PLD1: variants seen among roughly 807,000 people sequenced by gnomAD.
The protein encoded by PLD1 is phospholipase D1.
In PLD1, 112 loss-of-function variants were observed where a neutral mutation model predicts 137.1. That is an observed-to-expected ratio of 0.82 (90% CI 0.70 to 0.96). The LOEUF (loss-of-function observed/expected upper bound fraction) is 0.96. Ranked by LOEUF, PLD1 falls within the 40% of genes least tolerant of loss-of-function variation. The probability of loss-of-function intolerance (pLI) is 0.00; values close to 1 mark genes in which losing one functional copy is unlikely to be tolerated. For missense variants in PLD1, 1,321 were observed against 1,342.0 expected, an observed-to-expected ratio of 0.98 and a Z score of 0.24; for synonymous variants, 431 against 454.7, an observed-to-expected ratio of 0.95 and a Z score of 0.66.
intron 22 of PLD1, among the ~76,000 whole-genome samples, chr3:171,644,172 T>C (rs1736003833): frequency 6.6e-6 from 1 of 152,110 alleles, no homozygotes; most frequent in Non-Finnish European, 1.5e-5. Context: ...AAACTACAGG[T>C]GGTTCAGAAA....
chr3:171,603,403 G>C, intron 26 of PLD1, 101 bp from the exon 27 acceptor site: 1 of 763,770 alleles, frequency 1.3e-6, no homozygotes, highest in Non-Finnish European at 2.2e-6. Flanking sequence ...TCTGTTGTAT[G>C]AAACATATTA....
intron 23 of PLD1, among the ~76,000 whole-genome samples, chr3:171,637,876 G>C (rs1276333226): frequency 6.6e-6 from 1 of 151,996 alleles, no homozygotes; most frequent in Non-Finnish European, 1.5e-5. Context: ...TGGTATAAGA[G>C]ATCAAAAATG....
intron 5 of PLD1, among the ~76,000 whole-genome samples, chr3:171,734,414 G>A (rs992297601): frequency 3.3e-5 from 5 of 152,186 alleles, no homozygotes; most frequent in African/African-American, 1.2e-4. Context: ...CCAGTGCTGT[G>A]CCTGTCTGTA....
chr3:171,687,833 A>C (rs930654184), intron 14 of PLD1, among the ~76,000 whole-genome samples: 1 of 152,116 alleles, frequency 6.6e-6, no homozygotes, highest in Non-Finnish European at 1.5e-5. Flanking sequence ...ATTTCACTCC[A>C]ATTAAACTTT....
chr3:171,778,059 T>C (rs1233628074), intron 1 of PLD1, among the ~76,000 whole-genome samples: 1 of 152,226 alleles, frequency 6.6e-6, no homozygotes. Flanking sequence ...ATATATGTAT[T>C]TGTTGCTTAC....
chr3:171,610,438 T>C (rs1040873913), intron 25 of PLD1, among the ~76,000 whole-genome samples: 1 of 152,212 alleles, frequency 6.6e-6, no homozygotes, highest in Non-Finnish European at 1.5e-5. Context: ...ATATACCAAA[T>C]GTTAAAACTG....
chr3:171,698,811 C>CAAAAAAAA (rs11359377), intron 12 of PLD1, among the ~76,000 whole-genome samples: 102 of 103,660 alleles, frequency 9.8e-4, no homozygotes, highest in Middle Eastern at 5.7e-3. Context: ...TACAAAAATA[C>CAAAAAAAA]AAAAAAAAAA....
At chr3:171,776,655 C>T (rs1002797265) in intron 1 of PLD1, among the ~76,000 whole-genome samples, 1 of 152,184 alleles carries the variant, frequency 6.6e-6, no homozygotes, top group African/African-American at 2.4e-5. Context: ...ATGACAACGG[C>T]ACCTATTGTC....
At chr3:171,684,540 AAATAT>A (rs1714352519) in intron 16 of PLD1, among the ~76,000 whole-genome samples, 1 of 152,122 alleles carries the variant, frequency 6.6e-6, no homozygotes, top group Non-Finnish European at 1.5e-5. Context: ...TATGCTAAAT[AAATAT>A]ATGTCTCCCC....
chr3:171,763,558 A>G (rs1721588585), intron 1 of PLD1, among the ~76,000 whole-genome samples: 1 of 136,494 alleles, frequency 7.3e-6, no homozygotes, highest in Non-Finnish European at 1.6e-5. Flanking sequence ...GGGAGGGGAG[A>G]GACAAGACGA....
chr3:171,685,463 G>A (rs1714451652), intron 16 of PLD1, among the ~76,000 whole-genome samples: 1 of 152,110 alleles, frequency 6.6e-6, no homozygotes, highest in South Asian at 2.1e-4. Context: ...TATGGGCACT[G>A]GGAGGATGAT....
At chr3:171,604,750 T>G (rs1732076011) in intron 26 of PLD1, among the ~76,000 whole-genome samples, 1 of 152,238 alleles carries the variant, frequency 6.6e-6, no homozygotes, top group African/African-American at 2.4e-5. Flanking sequence ...ACATGTCTTG[T>G]TATTAATATT....
chr3:171,630,030 A>C (rs1734522583), intron 23 of PLD1, among the ~76,000 whole-genome samples: 1 of 152,150 alleles, frequency 6.6e-6, no homozygotes, highest in Non-Finnish European at 1.5e-5. Flanking sequence ...AATTAAACTA[A>C]AGAGCTTCTG....
At chr3:171,809,126 GCA>G (rs1724004420) in intron 1 of PLD1, 1 of 152,204 alleles carries the variant, frequency 6.6e-6, no homozygotes, top group Admixed American at 6.5e-5. Context: ...CGCCCAGGCA[GCA>G]CTCCAACTTT....
chr3:171,676,801 G>A lies in PLD1; in HGVS notation c.2029C>T (p.Pro677Ser), dbSNP rs1713411132. ...FIDRYSTPRMPWHDIASAVHG... is the reference protein window; with the variant it reads ...FIDRYSTPRMSWHDIASAVHG... ...ACTGCAGAGGCAATGTCATGCCAGGGCATCCGGGGCGTGGAGTACCTGTCA... is the reference window on the plus strand; with the variant it reads ...ACTGCAGAGGCAATGTCATGCCAGGACATCCGGGGCGTGGAGTACCTGTCA... Residue 677 changes from proline (P) to serine (S), a missense_variant, in exon 18 of 27, where the codon CCC (proline) becomes TCC (serine). Transcript: ENST00000351298. 1.2e-6 allele frequency: 2 copies of A among 1,614,010 alleles called. No homozygotes were observed. The highest frequency in any genetic ancestry group is 1.7e-6 in the Non-Finnish European group (2 of 1,179,960).
At chr3:171,697,792 G>C (rs892969620) in intron 12 of PLD1, among the ~76,000 whole-genome samples, 5 of 152,206 alleles carry the variant, frequency 3.3e-5, no homozygotes, top group African/African-American at 1.2e-4. Flanking sequence ...AAAGCCCAAT[G>C]CTTTCCCTCT....
intron 23 of PLD1, among the ~76,000 whole-genome samples, chr3:171,642,436 A>G (rs1735831452): frequency 1.3e-5 from 2 of 149,596 alleles, no homozygotes; most frequent in South Asian, 4.3e-4. Context: ...CAGCCTGGGC[A>G]ACAAGAATGA....
intron 1 of PLD1, among the ~76,000 whole-genome samples, chr3:171,801,398 C>T (rs1240256158): frequency 1.3e-5 from 2 of 152,202 alleles, no homozygotes; most frequent in Admixed American, 1.3e-4. Flanking sequence ...CGAACATATC[C>T]AACATGCGTT....
At chr3:171,778,925 G>A (rs6808019) in intron 1 of PLD1, among the ~76,000 whole-genome samples, 68,227 of 152,096 alleles carry the variant, frequency 0.45, 16,027 homozygotes, top group Middle Eastern at 0.67. Context: ...GCTGGGCATG[G>A]TGCTGTAATC....
Sources: gnomAD v4.1 joint callset for allele counts (sites outside exome capture counted in the v4.1 genomes callset) on GRCh38, gnomAD v4.1.1 for gene constraint, MANE v1.5 for transcripts, NCBI Gene and HGNC (gene_info 2026-07-23, HGNC 2026-07-21) for gene names.